CNDP1: variants seen among roughly 807,000 people sequenced by gnomAD.
The protein encoded by CNDP1 is carnosine dipeptidase 1.
A neutral mutation model predicts 58.1 loss-of-function variants in CNDP1; 44 were observed. The ratio of observed to expected loss-of-function variants is 0.76; its 90% CI spans 0.60 to 0.97. The LOEUF (loss-of-function observed/expected upper bound fraction) is 0.97, where lower values mean the gene tolerates loss of function less well. Among genes scored for constraint, CNDP1 ranks in the 50% least tolerant of loss-of-function variants. The probability of loss-of-function intolerance (pLI) is 0.00; values close to 1 mark genes in which losing one functional copy is unlikely to be tolerated. For missense variants in CNDP1, 616 were observed against 655.1 expected (o/e 0.94, Z 0.65); for synonymous variants, 254 against 252.6 (o/e 1.01, Z -0.05).
intron 5 of CNDP1, among the ~76,000 whole-genome samples, chr18:74,563,649 T>C (rs1396427245): frequency 6.6e-6 from 1 of 152,024 alleles, no homozygotes; most frequent in African/African-American, 2.4e-5. Flanking sequence ...GTGCGCGAGG[T>C]CCTTCGAGAG....
rs1981845400 is a variant in CNDP1 at position 74,583,723 on chromosome 18, G to GTGCAA, written c.1457+18_1457+22dup. ...AAAATCAACAGGTCAGCTGATGCCTGTGCAATGTGCCTCTCTCTTCTTCCT... is the reference window on the plus strand; with the variant it reads ...AAAATCAACAGGTCAGCTGATGCCTGTGCAATGCAATGTGCCTCTCTCTTCTTCCT... On this transcript the variant is annotated intron_variant, in intron 11 of 11. Transcript: ENST00000358821. 1 of 1,613,600 alleles carries GTGCAA rather than the reference G, an allele frequency of 6.2e-7. No homozygotes were observed. Among genetic ancestry groups the GTGCAA allele is most frequent in the Non-Finnish European group, 8.5e-7 (1 of 1,179,646 alleles).
chr18:74,569,562 C>T lies in CNDP1; in HGVS notation c.757-1624C>T, dbSNP rs545169562. On this transcript the variant is annotated intron_variant, in intron 6 of 11. Transcript: ENST00000358821. ...ACCTCCAGGGATGAACATTGAAGGGCATGGTTGTATTAATAGCATCTCTGC... is the reference window on the plus strand; with the variant it reads ...ACCTCCAGGGATGAACATTGAAGGGTATGGTTGTATTAATAGCATCTCTGC... 1.8e-4 allele frequency among the ~76,000 whole-genome samples: 28 copies of T among 152,250 alleles called. 1 individual carries two copies. The highest frequency in any genetic ancestry group is 5.3e-4 in the African/African-American group (22 of 41,548).
chr18:74,571,322 C>CA, intron 7 of CNDP1, 52 bp downstream of exon 7: 1 of 1,242,740 alleles, frequency 8.0e-7, no homozygotes, highest in South Asian at 1.2e-5. Flanking sequence ...AACTAAAAGA[C>CA]AGCTCTACTT....
At chr18:74,552,502 G>A (rs1980936206) in intron 1 of CNDP1, among the ~76,000 whole-genome samples, 1 of 152,134 alleles carries the variant, frequency 6.6e-6, no homozygotes, top group Non-Finnish European at 1.5e-5. Context: ...TTACGTAAAT[G>A]GAATCACAAT....
intron 6 of CNDP1, among the ~76,000 whole-genome samples, chr18:74,569,625 C>A (rs1981420105): frequency 6.6e-6 from 1 of 152,248 alleles, no homozygotes; most frequent in East Asian, 1.9e-4. Context: ...TCAGAGATAA[C>A]CAGGTCCACA....
intron 9 of CNDP1, among the ~76,000 whole-genome samples, chr18:74,579,188 T>TCCTTC (rs1343210315): frequency 1.9e-4 from 23 of 118,520 alleles, no homozygotes; most frequent in South Asian, 1.2e-3. Flanking sequence ...CTTCTCCCTT[T>TCCTTC]CCTTCCCTTC....
At chr18:74,544,649 G>A (rs1980710454) in intron 1 of CNDP1, among the ~76,000 whole-genome samples, 1 of 150,574 alleles carries the variant, frequency 6.6e-6, no homozygotes, top group African/African-American at 2.4e-5. Flanking sequence ...AACCCGGGAG[G>A]TGGAGGTTGC....
chr18:74,564,445 G>A (rs1568297012), intron 5 of CNDP1, among the ~76,000 whole-genome samples: 1 of 152,254 alleles, frequency 6.6e-6, no homozygotes, highest in African/African-American at 2.4e-5. Flanking sequence ...CAAGATCAAA[G>A]CCTTTGAATA....
chr18:74,574,204 C>G (rs548045404), intron 7 of CNDP1, among the ~76,000 whole-genome samples: 1 of 152,340 alleles, frequency 6.6e-6, no homozygotes, highest in African/African-American at 2.4e-5. Flanking sequence ...TCTGTCTCTG[C>G]TGTGATCATG....
Position 74,578,222 on chromosome 18 carries a change from C to T in CNDP1, c.1062C>T (p.Gly354=), listed in dbSNP as rs201741966. The change falls in exon 9 of 12, where the codon GGC becomes GGT. Residue 354 remains glycine, a synonymous_variant. Coordinates refer to ENST00000358821, the MANE Select transcript of CNDP1 (RefSeq NM_032649.6). The stretch of plus-strand genomic sequence containing the variant: ...CTCTTTCTATTCATGGGATCGAGGG[C>T]GCGTTTGATGAGCCTGGAACTAAAA... ...YPSLSIHGIE[G]AFDEPGTKTV... is the part of the protein sequence containing the mutation. 123 of 1,613,920 alleles carry T rather than the reference C, an allele frequency of 7.6e-5. No homozygotes were observed. The highest frequency in any genetic ancestry group is 1.7e-4 in the Middle Eastern group (1 of 6,058).
intron 5 of CNDP1, among the ~76,000 whole-genome samples, chr18:74,565,546 A>T: frequency 6.6e-6 from 1 of 152,218 alleles, no homozygotes; most frequent in Non-Finnish European, 1.5e-5. Context: ...AAGGGGTTAC[A>T]GTGTCCATGC....
intron 5 of CNDP1, among the ~76,000 whole-genome samples, chr18:74,564,977 A>G (rs1981290611): frequency 6.6e-6 from 1 of 152,234 alleles, no homozygotes; most frequent in Non-Finnish European, 1.5e-5. Context: ...GACTGGGAAG[A>G]AAAAGAGGTT....
At chr18:74,575,834 T>G (rs1313886419) in intron 7 of CNDP1, among the ~76,000 whole-genome samples, 3 of 104,528 alleles carry the variant, frequency 2.9e-5, no homozygotes, top group African/African-American at 1.2e-4. Flanking sequence ...TGTATACATG[T>G]GTGTGTGTGT....
chr18:74,573,291 C>T (rs2144667277), intron 7 of CNDP1, among the ~76,000 whole-genome samples: 1 of 151,790 alleles, frequency 6.6e-6, no homozygotes, highest in South Asian at 2.1e-4. Context: ...TCCATCCATC[C>T]ATCTATCCAT....
chr18:74,573,437 T>C (rs75431288), intron 7 of CNDP1, among the ~76,000 whole-genome samples: 5 of 40,458 alleles, frequency 1.2e-4, no homozygotes, highest in Non-Finnish European at 1.9e-4. Context: ...TCCAACTATC[T>C]ATCTATGTAT....
intron 11 of CNDP1, 168 bp from the exon 12 acceptor site, chr18:74,584,328 C>T: frequency 1.7e-6 from 1 of 589,298 alleles, no homozygotes; most frequent in South Asian, 2.1e-5. Context: ...ATGCAATTTT[C>T]ACATGGAACT....
At chr18:74,565,153 T>TAGCATGGG (rs1224660027) in intron 5 of CNDP1, among the ~76,000 whole-genome samples, 2 of 152,136 alleles carry the variant, frequency 1.3e-5, no homozygotes. Context: ...ATCACGAGAA[T>TAGCATGGG]AGCATGGGAA....
chr18:74,534,783 G>A (rs1357319090), intron 1 of CNDP1, 92 bp downstream of exon 1: 4 of 1,482,980 alleles, frequency 2.7e-6, no homozygotes, highest in African/African-American at 1.4e-5. Flanking sequence ...GTTGGGCAGG[G>A]CAGGCACCCA....
At position 74,545,536 on chromosome 18, in the gene CNDP1, C is replaced by G. The variant is rs999719750; in HGVS notation, c.25-10802C>G. Among the ~76,000 whole-genome samples the G allele has an allele frequency of 2.0e-5, 3 of 152,146 alleles. No individual in the cohort carries two copies. Among genetic ancestry groups the G allele is most frequent in the African/African-American group, 7.2e-5 (3 of 41,412 alleles). On this transcript the variant is annotated intron_variant, in intron 1 of 11. Coordinates refer to ENST00000358821, the MANE Select transcript of CNDP1 (RefSeq NM_032649.6). This position sits in a 1 kb window ranked among gnomAD's most constrained non-coding sequence, Gnocchi z 4.1. The stretch of plus-strand genomic sequence containing the variant: ...GGTGTCTCCACCTTGGCCCACGGTC[C>G]CACCAAAACCCTGCCAGGCTCTCCT...
Sources: allele counts gnomAD v4.1 joint callset (sites outside exome capture counted in the v4.1 genomes callset), GRCh38; gene constraint gnomAD v4.1.1; non-coding constraint Gnocchi (gnomAD v3.1); transcripts MANE v1.5; gene names NCBI Gene and HGNC (gene_info 2026-07-23, HGNC 2026-07-21).